Variants in ANK3 observed in about 807,000 individuals in gnomAD.
The protein encoded by ANK3 is ankyrin-3.
A neutral mutation model predicts 370.9 loss-of-function variants in ANK3; 57 were observed. The observed-to-expected ratio is 0.15, with a 90% CI of 0.12 to 0.19. The LOEUF is 0.19. ANK3 is among the 10% of genes least tolerant of loss of function. The pLI, the probability that ANK3 is intolerant of heterozygous loss-of-function variation, is 1.00. For missense variants in ANK3, 4,439 were observed against 5,302.1 expected (o/e 0.84, Z 5.06); for synonymous variants, 1,929 against 1,946.3 (o/e 0.99, Z 0.23).
chr10:60,144,905 T>C (rs1397825189), intron 23 of ANK3, among the ~76,000 whole-genome samples: 2 of 152,188 alleles, frequency 1.3e-5, no homozygotes, highest in Non-Finnish European at 2.9e-5. Flanking sequence ...GAAATAGTTA[T>C]TGGCCTAATA....
At chr10:60,555,389 C>T (rs2077183979) in intron 2 of ANK3, among the ~76,000 whole-genome samples, 1 of 151,944 alleles carries the variant, frequency 6.6e-6, no homozygotes, top group Admixed American at 6.6e-5. Context: ...GGGAGGATCA[C>T]TTGAGCCCAG....
chr10:60,633,352 T>C (rs1363388583), intron 1 of ANK3, among the ~76,000 whole-genome samples: 1 of 152,186 alleles, frequency 6.6e-6, no homozygotes, highest in Non-Finnish European at 1.5e-5. Flanking sequence ...TTCCTTAAAG[T>C]TATTTTTAAG....
At position 60,196,251 on chromosome 10, in the gene ANK3, C is replaced by T; in HGVS notation, c.1789-8G>A. ...CAGTGGTGTTAGCCCGCTCTGAAAA[C>T]ACGTGCAGAAACAACAACCAGTGTC... is the stretch of plus-strand genomic sequence containing the variant. On this transcript the variant is annotated splice_polypyrimidine_tract_variant and splice_region_variant and intron_variant, in intron 15 of 43. Coordinates refer to ENST00000280772, the MANE Select transcript of ANK3 (RefSeq NM_020987.5). 1 of 1,612,822 alleles carries T rather than the reference C, an allele frequency of 6.2e-7. No individual in the cohort carries two copies. The highest frequency in any genetic ancestry group is 1.1e-5 in the South Asian group (1 of 90,878).
intron 1 of ANK3, among the ~76,000 whole-genome samples, chr10:60,663,970 C>A (rs902664042): frequency 5.3e-5 from 8 of 152,270 alleles, no homozygotes; most frequent in Non-Finnish European, 8.8e-5. Flanking sequence ...TCTTATCTGC[C>A]GAATCATGTA....
intron 1 of ANK3, among the ~76,000 whole-genome samples, chr10:60,385,987 G>A (rs777022736): frequency 5.9e-5 from 9 of 152,138 alleles, no homozygotes; most frequent in East Asian, 1.9e-4. Context: ...AGCCAACAAC[G>A]ACAGTCAATG....
rs76427859 is a variant in ANK3, at chr10:60,473,613, G to A, written c.96+141573C>T. On this transcript the variant is annotated intron_variant, in intron 2 of 43. Transcript: ENST00000373827. ...ACTTTCCTATCCTGTTCATTTAGGAGCACTAGGTAATGCAATTCACTGAAT... is the reference window on the plus strand; with the variant it reads ...ACTTTCCTATCCTGTTCATTTAGGAACACTAGGTAATGCAATTCACTGAAT... Among the ~76,000 whole-genome samples, 121 of 152,254 alleles carry A rather than the reference G, an allele frequency of 7.9e-4. 3 individuals carry two copies. In the East Asian group the frequency reaches 0.019, roughly 24 times the overall value.
chr10:60,620,636 T>C (rs1343196476), intron 1 of ANK3, among the ~76,000 whole-genome samples: 1 of 152,154 alleles, frequency 6.6e-6, no homozygotes, highest in Non-Finnish European at 1.5e-5. Flanking sequence ...AATTTAAATG[T>C]TTTTATATTG....
chr10:60,266,444 G>A (rs1205495600), intron 5 of ANK3, among the ~76,000 whole-genome samples: 2 of 152,074 alleles, frequency 1.3e-5, no homozygotes, highest in African/African-American at 4.8e-5. Flanking sequence ...GTGGCAAAAG[G>A]AAAATTGTGT....
chr10:60,498,296 C>T (rs2075711438), intron 2 of ANK3, among the ~76,000 whole-genome samples: 1 of 152,158 alleles, frequency 6.6e-6, no homozygotes, highest in African/African-American at 2.4e-5. Context: ...ATATGCAGTT[C>T]AGTAAATATG....
chr10:60,538,733 G>T (rs1241559611), intron 2 of ANK3, among the ~76,000 whole-genome samples: 1 of 151,710 alleles, frequency 6.6e-6, no homozygotes, highest in Non-Finnish European at 1.5e-5. Flanking sequence ...AAAGGCAGGG[G>T]TTATCTTCTC....
intron 42 of ANK3, among the ~76,000 whole-genome samples, chr10:60,046,754 T>C (rs1037904332): frequency 6.6e-6 from 1 of 151,906 alleles, no homozygotes; most frequent in Non-Finnish European, 1.5e-5. Flanking sequence ...AGAGACCAAA[T>C]GTTACCTAAG....
At chr10:60,369,267 C>G (rs2059800511) in intron 1 of ANK3, among the ~76,000 whole-genome samples, 1 of 152,204 alleles carries the variant, frequency 6.6e-6, no homozygotes, top group Admixed American at 6.5e-5. Context: ...GTCTCAGATT[C>G]AGTGCCACAC....
At chr10:60,728,835 T>G (rs898884027) in intron 1 of ANK3, among the ~76,000 whole-genome samples, 22 of 152,176 alleles carry the variant, frequency 1.4e-4, no homozygotes, top group Non-Finnish European at 2.9e-4. Context: ...TTCCTGAAGG[T>G]CAATTTCATC....
intron 25 of ANK3, among the ~76,000 whole-genome samples, chr10:60,124,338 A>ATTT (rs139900877): frequency 1.3e-5 from 2 of 150,080 alleles, no homozygotes; most frequent in African/African-American, 4.9e-5. Context: ...ATTTTATTTT[A>ATTT]TTTTTTTTTG....
chr10:60,433,109 A>C (rs1241842756), intron 2 of ANK3, among the ~76,000 whole-genome samples: 5 of 152,048 alleles, frequency 3.3e-5, no homozygotes, highest in African/African-American at 1.2e-4. Flanking sequence ...AATGATTGAT[A>C]AAAAAGAAAC....
intron 8 of ANK3, among the ~76,000 whole-genome samples, chr10:60,223,596 T>C (rs2097095766): frequency 6.6e-6 from 1 of 152,208 alleles, no homozygotes. Context: ...TGAATGAATG[T>C]GTTTTCAGGC....
chr10:60,705,808 G>GTT (rs34858011), intron 1 of ANK3, among the ~76,000 whole-genome samples: 89 of 133,410 alleles, frequency 6.7e-4, no homozygotes, highest in South Asian at 1.4e-3. Context: ...TCTACTAGAG[G>GTT]TTTTTTTTTT....
At chr10:60,060,630 T>C (rs2080233929) in intron 40 of ANK3, 1 of 152,154 alleles carries the variant, frequency 6.6e-6, no homozygotes, top group African/African-American at 2.4e-5. Flanking sequence ...TTTTAAACGA[T>C]GTTAAGAAAA....
At chr10:60,262,817 T>G (rs909730003) in intron 6 of ANK3, among the ~76,000 whole-genome samples, 1 of 152,178 alleles carries the variant, frequency 6.6e-6, no homozygotes, top group Non-Finnish European at 1.5e-5. Context: ...GCTTTAGATA[T>G]AGCTGATAAA....
Sources: allele counts gnomAD v4.1 joint callset (sites outside exome capture counted in the v4.1 genomes callset), GRCh38; gene constraint gnomAD v4.1.1; transcripts MANE v1.5; gene names NCBI Gene and HGNC (gene_info 2026-07-23, HGNC 2026-07-21).